The following KDM7A variants were observed in gnomAD, a reference collection of about 807,000 sequenced individuals.
KDM7A encodes the protein lysine demethylase 7A.
Under a neutral mutation model 114.8 loss-of-function variants are expected in KDM7A, and 28 were observed. That is an observed-to-expected ratio of 0.24 (90% CI 0.18 to 0.33). The LOEUF is 0.33. KDM7A is among the 10% of genes least tolerant of loss of function. KDM7A has a pLI of 1.00. For missense variants in KDM7A, 942 were observed against 1,142.5 expected, an observed-to-expected ratio of 0.82 and a Z score of 2.53; for synonymous variants, 423 against 397.8, an observed-to-expected ratio of 1.06 and a Z score of -0.75.
At chr7:140,161,551 T>C (rs554443302) in intron 1 of KDM7A, among the ~76,000 whole-genome samples, 1 of 152,268 alleles carries the variant, frequency 6.6e-6, no homozygotes, top group East Asian at 1.9e-4. Context: ...TTTGTTTTTT[T>C]TTTCTACGGT....
In KDM7A at chr7:140,096,916, A is replaced by C; in HGVS notation, c.2148T>G (p.Ser716Arg). ...AAGCCTACCTTTTAATTGGAATTTC[A>C]CTTCTAGATGGCTTCTGGCTCTTTT... ...FLQKSQKPSR[S>R]EIPIKRECPT... Residue 716 changes from serine to arginine, a missense_variant, in exon 16 of 20, where the codon AGT (serine) becomes AGG (arginine). Physicochemically the swap from Ser to Arg is moderately radical, Grantham distance 110. This residue lies in a region of KDM7A where 512 missense variants were observed against 576.6 expected (regional missense o/e 0.89). Coordinates refer to ENST00000397560, the MANE Select transcript of KDM7A (RefSeq NM_030647.2). 3 of 1,613,822 alleles carry C rather than the reference A, an allele frequency of 1.9e-6. No individual in the cohort carries two copies. The highest frequency in any genetic ancestry group is 2.5e-6 in the Non-Finnish European group (3 of 1,179,842).
At chr7:140,147,972 A>G (rs1336118570) in intron 1 of KDM7A, among the ~76,000 whole-genome samples, 1 of 152,212 alleles carries the variant, frequency 6.6e-6, no homozygotes, top group African/African-American at 2.4e-5. Flanking sequence ...TCAGTATGTA[A>G]AGCATGGGAC....
Position 140,115,169 on chromosome 7 carries a change from G to A in KDM7A, c.1247-1587C>T, listed in dbSNP as rs569951511. Among the ~76,000 whole-genome samples the A allele has an allele frequency of 2.7e-5, 4 of 150,436 alleles. No homozygotes were observed. The South Asian group carries it at 8.5e-4, about 32-fold the overall frequency. ...CCAGCCAGCTGCCCCATCAGGGAGGGAGGTGGGGGGCAGCCCCCACCCAGC... is the reference window on the plus strand; with the variant it reads ...CCAGCCAGCTGCCCCATCAGGGAGGAAGGTGGGGGGCAGCCCCCACCCAGC... On this transcript the variant is annotated intron_variant, in intron 9 of 19. Transcript: ENST00000397560.
chr7:140,129,496 C>T lies in KDM7A; in HGVS notation c.556G>A (p.Val186Ile), dbSNP rs772056125. ...TFSVMDVERY[V>I]GGDKVIDVID... ...CTTAAAGAAATAAAGTTCGTACCTA[C>T]ATAACGTTCCACATCCATCACAGAA... Residue 186 changes from valine to isoleucine, a missense_variant, in exon 4 of 20, where the codon GTA becomes ATA. Physicochemically the swap from Val to Ile is conservative, Grantham distance 29. Transcript: ENST00000397560. 4 of 1,612,672 alleles carry T rather than the reference C, an allele frequency of 2.5e-6. No individual in the cohort carries two copies. In the East Asian group the frequency reaches 8.9e-5, roughly 36 times the overall value.
intron 1 of KDM7A, among the ~76,000 whole-genome samples, chr7:140,151,623 A>C (rs1029562811): frequency 6.6e-6 from 1 of 152,216 alleles, no homozygotes; most frequent in Non-Finnish European, 1.5e-5. Flanking sequence ...GGTTCAGGCA[A>C]CTATAATCCT....
At chr7:140,175,705 C>A (rs114619924) in intron 1 of KDM7A, among the ~76,000 whole-genome samples, 1,895 of 152,250 alleles carry the variant, frequency 0.012, 40 homozygotes, top group African/African-American at 0.044. Context: ...GGAGGCGGCC[C>A]GAGCTCTCAA....
chr7:140,127,483 T>A lies in KDM7A; in HGVS notation c.660A>T (p.Pro220=), dbSNP rs776985388. The change falls in exon 5 of 20, where the codon CCA becomes CCT. Residue 220 remains proline (P), a synonymous_variant. Transcript: ENST00000397560. The part of the protein sequence containing the change: ...YVKYFMNPNR[P]KVLNVISLEF... ...CAAGGCTGATCACATTTAACACTTTTGGTCTGTTAGGATTCATGAAGTATT... is the reference window on the plus strand; with the variant it reads ...CAAGGCTGATCACATTTAACACTTTAGGTCTGTTAGGATTCATGAAGTATT... 6.2e-7 allele frequency: 1 copy of A among 1,613,784 alleles called. No homozygotes were observed.
chr7:140,145,198 G>A (rs1794327478), intron 1 of KDM7A, among the ~76,000 whole-genome samples: 1 of 152,094 alleles, frequency 6.6e-6, no homozygotes, highest in African/African-American at 2.4e-5. Context: ...ACCCAGAGCA[G>A]GAAATTGGAT....
chr7:140,111,384 C>G (rs1371754014), intron 10 of KDM7A, among the ~76,000 whole-genome samples, 200 bp from the exon 11 acceptor site: 1 of 152,202 alleles, frequency 6.6e-6, no homozygotes, highest in Non-Finnish European at 1.5e-5. Context: ...TCCTCTTAGA[C>G]TGTGTTAAAA....
chr7:140,168,079 T>C (rs1004956592), intron 1 of KDM7A, among the ~76,000 whole-genome samples: 1 of 152,128 alleles, frequency 6.6e-6, no homozygotes, highest in Admixed American at 6.6e-5. Context: ...ATCTACTGGA[T>C]TGACAAAGAT....
chr7:140,102,799 A>G (rs62491383), intron 11 of KDM7A, among the ~76,000 whole-genome samples: 9,407 of 152,292 alleles, frequency 0.062, 369 homozygotes, highest in Non-Finnish European at 0.09. Context: ...TTTCACGTAC[A>G]TATTTGAATA....
chr7:140,157,544 C>T (rs539588683), intron 1 of KDM7A, among the ~76,000 whole-genome samples: 1 of 152,248 alleles, frequency 6.6e-6, no homozygotes, highest in African/African-American at 2.4e-5. Flanking sequence ...GTCCCAGCTA[C>T]TTGGGAGGCT....
chr7:140,112,308 C>A (rs944322133), intron 10 of KDM7A, among the ~76,000 whole-genome samples: 3 of 152,222 alleles, frequency 2.0e-5, no homozygotes, highest in African/African-American at 7.2e-5. Flanking sequence ...AGGGGACATT[C>A]AAGAAATTAA....
chr7:140,129,559 A>C lies in KDM7A; in HGVS notation c.493T>G (p.Leu165Val), dbSNP rs1818754679. The C allele has an allele frequency of 1.2e-6, 2 of 1,613,024 alleles. No homozygotes were observed. The highest frequency in any genetic ancestry group is 1.7e-6 in the Non-Finnish European group (2 of 1,179,166). The change falls in exon 4 of 20, where the codon TTA becomes GTA. Residue 165 changes from leucine to valine, a missense_variant. Leu to Val is a conservative substitution (Grantham distance 32, BLOSUM62 1). This residue lies in a region of KDM7A where 318 missense variants were observed against 453.1 expected (regional missense o/e 0.70). Coordinates refer to ENST00000397560, the MANE Select transcript of KDM7A (RefSeq NM_030647.2). ...GFDVPIMVPK[L>V]DDLGLRLPSP... ...GGGAGCCTGAGTCCTAGATCATCTA[A>C]TTTTGGGACCATAATAGGGACATCA...
intron 2 of KDM7A, among the ~76,000 whole-genome samples, chr7:140,135,378 A>AT (rs1156250117): frequency 4.0e-5 from 6 of 151,624 alleles, no homozygotes; most frequent in East Asian, 2.0e-4. Flanking sequence ...AATTTTTTGT[A>AT]TTTTAGTAGA....
chr7:140,139,380 G>A (rs1309578166), intron 1 of KDM7A, among the ~76,000 whole-genome samples, 190 bp from the exon 2 acceptor site: 1 of 152,120 alleles, frequency 6.6e-6, no homozygotes, highest in African/African-American at 2.4e-5. Flanking sequence ...GTGTGAGGGA[G>A]AATATACTAT....
At chr7:140,144,072 TAAGA>T (rs1489799663) in intron 1 of KDM7A, among the ~76,000 whole-genome samples, 1 of 152,192 alleles carries the variant, frequency 6.6e-6, no homozygotes, top group African/African-American at 2.4e-5. Flanking sequence ...AAGAAAAGGT[TAAGA>T]ATCACTGGAT....
intron 14 of KDM7A, 133 bp from the exon 15 acceptor site, chr7:140,097,775 T>C: frequency 1.8e-6 from 1 of 554,510 alleles, no homozygotes; most frequent in South Asian, 2.4e-5. Flanking sequence ...CCTTTTTCAC[T>C]TTTATTTTCT....
intron 1 of KDM7A, among the ~76,000 whole-genome samples, chr7:140,167,141 C>G (rs1794585470): frequency 6.6e-6 from 1 of 152,096 alleles, no homozygotes; most frequent in Non-Finnish European, 1.5e-5. Context: ...ATACTATTCT[C>G]AGAGAGAAGG....
Sources: allele counts gnomAD v4.1 joint callset (sites outside exome capture counted in the v4.1 genomes callset), GRCh38; gene constraint gnomAD v4.1.1; regional missense constraint gnomAD v4.1.1; transcripts MANE v1.5; gene names NCBI Gene and HGNC (gene_info 2026-07-23, HGNC 2026-07-21).